DYM: variants seen among roughly 807,000 people sequenced by gnomAD.
DYM encodes dymeclin, also known as dyggve-Melchior-Clausen syndrome protein.
DYM carries 78 observed loss-of-function variants against 93.1 expected under a neutral mutation model. That is an observed-to-expected ratio of 0.84 (90% CI 0.70 to 1.01). The LOEUF is 1.01. Among genes scored for constraint, DYM ranks in the 50% least tolerant of loss-of-function variants. The pLI is 0.00. For synonymous variants in DYM, 321 were observed against 319.7 expected (o/e 1.00, Z -0.04); for missense variants, 789 against 845.0 (o/e 0.93, Z 0.82).
intron 15 of DYM, among the ~76,000 whole-genome samples, chr18:49,161,894 A>C (rs1183735741): frequency 1.3e-5 from 2 of 152,238 alleles, no homozygotes; most frequent in African/African-American, 4.8e-5. Flanking sequence ...ACAGGAAAGA[A>C]GCAAGGCAAC....
intron 15 of DYM, among the ~76,000 whole-genome samples, chr18:49,156,614 C>T (rs146241044): frequency 6.6e-6 from 1 of 151,624 alleles, no homozygotes; most frequent in Non-Finnish European, 1.5e-5. Context: ...TGCCTATAGT[C>T]CCAGCTACTT....
chr18:49,331,876 A>G lies in DYM; in HGVS notation c.751T>C (p.Ser251Pro), dbSNP rs140910475. The G allele has an allele frequency of 4.4e-5, 71 of 1,614,016 alleles. No individual in the cohort carries two copies. Among genetic ancestry groups the G allele is most frequent in the Non-Finnish European group, 5.9e-5 (70 of 1,180,010 alleles). The change falls in exon 8 of 18, where the codon TCA becomes CCA. Residue 251 changes from serine (S) to proline (P), a missense_variant. This residue lies in a region of DYM where 450 missense variants were observed against 436.2 expected (regional missense o/e 1.03). Coordinates refer to ENST00000675505, the MANE Select transcript of DYM (RefSeq NM_001353214.3). ...TGATAAAACTTACTTGCTACTCCTG[A>G]TGCAAGTCCATAAAGCAGTCCTCCC... ...DGGGLLYGLA[S>P]GVATGLWTVF...
chr18:49,341,491 C>CAAAAAAAAAA (rs10578063), intron 6 of DYM, among the ~76,000 whole-genome samples: 1 of 64,920 alleles, frequency 1.5e-5, no homozygotes, highest in African/African-American at 7.4e-5. Flanking sequence ...GACTCCATCG[C>CAAAAAAAAAA]AAAAAAAAAA....
intron 14 of DYM, among the ~76,000 whole-genome samples, chr18:49,199,043 T>C (rs1440940355): frequency 3.3e-5 from 5 of 152,312 alleles, no homozygotes; most frequent in African/African-American, 9.6e-5. Context: ...GAATACTATG[T>C]GGCCATAAAA....
chr18:49,080,912 C>G (rs1309070468), intron 17 of DYM, among the ~76,000 whole-genome samples: 3 of 142,550 alleles, frequency 2.1e-5, no homozygotes, highest in Middle Eastern at 4.1e-3. Flanking sequence ...GATGGGCGGC[C>G]GAGCAGAGAC....
At position 49,097,389 on chromosome 18, in the gene DYM, T is replaced by C. The variant is rs752710018; in HGVS notation, c.2025+13A>G. 1 of 1,613,080 alleles carries C rather than the reference T, an allele frequency of 6.2e-7. No individual in the cohort carries two copies. The highest frequency in any genetic ancestry group is 8.5e-7 in the Non-Finnish European group (1 of 1,179,202). On this transcript the variant is annotated intron_variant, in intron 17 of 17. Transcript: ENST00000675505. ...ACGGCAGTGTCAAGTGGACATTTCTTTAGCCTTCTTACCTTCAGTCTGTCT... is the reference window on the plus strand; with the variant it reads ...ACGGCAGTGTCAAGTGGACATTTCTCTAGCCTTCTTACCTTCAGTCTGTCT...
chr18:49,341,254 G>T (rs2064096808), intron 6 of DYM, among the ~76,000 whole-genome samples: 1 of 152,166 alleles, frequency 6.6e-6, no homozygotes, highest in South Asian at 2.1e-4. Flanking sequence ...ACTTTGGGAG[G>T]CCGAGGCGGG....
At chr18:49,209,286 G>T (rs190104378) in intron 14 of DYM, among the ~76,000 whole-genome samples, 4 of 152,228 alleles carry the variant, frequency 2.6e-5, no homozygotes, top group Admixed American at 2.0e-4. Context: ...AATGGAATGC[G>T]GTATAGAATA....
At chr18:49,258,078 TTGC>T (rs973147222) in intron 12 of DYM, among the ~76,000 whole-genome samples, 5 of 152,220 alleles carry the variant, frequency 3.3e-5, no homozygotes, top group African/African-American at 1.2e-4. Context: ...ACTTTGTTAT[TTGC>T]TGCTATTAAA....
chr18:49,405,115 T>G (rs1458659677), intron 2 of DYM, among the ~76,000 whole-genome samples: 2 of 152,172 alleles, frequency 1.3e-5, no homozygotes. Context: ...CTTGTTGAAC[T>G]GTTTGAATTC....
intron 6 of DYM, among the ~76,000 whole-genome samples, chr18:49,352,784 A>G (rs1231076450): frequency 6.6e-6 from 1 of 152,218 alleles, no homozygotes; most frequent in Non-Finnish European, 1.5e-5. Context: ...ACTATGGATT[A>G]TTTAGCAAAG....
At position 49,282,133 on chromosome 18, in the gene DYM, A is replaced by G. The variant is rs2094998138; in HGVS notation, c.989T>C (p.Ile330Thr). Residue 330 changes from isoleucine to threonine, a missense_variant, in exon 10 of 18, where the codon ATC (isoleucine) becomes ACC (threonine). By Grantham distance (89) the Ile-to-Thr change is moderately conservative (BLOSUM62 -1). Coordinates refer to ENST00000675505, the MANE Select transcript of DYM (RefSeq NM_001353214.3). Reference sequence around the variant, plus strand: ...AGCTGTGTACAAACTATTAAAGTTGATCTGGAAGGCATGTGGAATTGATGA... The same window carrying G: ...AGCTGTGTACAAACTATTAAAGTTGGTCTGGAAGGCATGTGGAATTGATGA... Reference protein sequence around the residue: ...FPSSIPHAFQINFNSLYTALC... With the variant: ...FPSSIPHAFQTNFNSLYTALC... 6.2e-6 allele frequency: 10 copies of G among 1,613,916 alleles called. No homozygotes were observed. Among genetic ancestry groups the G allele is most frequent in the African/African-American group, 2.7e-5 (2 of 74,912 alleles).
intron 12 of DYM, 36 bp downstream of exon 12, chr18:49,258,344 A>T (rs1397322959): frequency 1.4e-6 from 2 of 1,397,064 alleles, no homozygotes; most frequent in Non-Finnish European, 2.0e-6. Context: ...ATTGTACTGT[A>T]TGCAAAAAAG....
intron 13 of DYM, among the ~76,000 whole-genome samples, chr18:49,245,885 T>C (rs1477287983): frequency 1.3e-5 from 2 of 152,206 alleles, no homozygotes; most frequent in Admixed American, 1.3e-4. Flanking sequence ...CTTCTCTTTG[T>C]GCTCTTTCTC....
At chr18:49,433,814 G>C (rs956457496) in intron 1 of DYM, among the ~76,000 whole-genome samples, 23 of 152,172 alleles carry the variant, frequency 1.5e-4, no homozygotes, top group African/African-American at 5.1e-4. Flanking sequence ...ATTGCAGTGA[G>C]CCGAGATTGT....
At chr18:49,352,136 C>T (rs898664438) in intron 6 of DYM, among the ~76,000 whole-genome samples, 1 of 152,152 alleles carries the variant, frequency 6.6e-6, no homozygotes, top group East Asian at 1.9e-4. Context: ...ATATGTGATA[C>T]GATACAATTT....
chr18:49,318,617 TC>T (rs35844315), intron 8 of DYM, among the ~76,000 whole-genome samples: 1 of 150,200 alleles, frequency 6.7e-6, no homozygotes, highest in African/African-American at 2.5e-5. Flanking sequence ...CAAGACTCTG[TC>T]CCCCCACAAA....
chr18:49,310,011 G>A (rs1019902689), intron 8 of DYM, among the ~76,000 whole-genome samples: 3 of 152,066 alleles, frequency 2.0e-5, no homozygotes, highest in South Asian at 2.1e-4. Context: ...GCATGGACGC[G>A]TGCAGCACCA....
In DYM at chr18:49,264,196, C is replaced by A. The variant is rs117808914; in HGVS notation, c.1252-5703G>T. Among the ~76,000 whole-genome samples the A allele has an allele frequency of 6.0e-3, 913 of 151,532 alleles. 6 individuals carry two copies. Among genetic ancestry groups the A allele is most frequent in the Non-Finnish European group, 0.011 (739 of 67,878 alleles). On this transcript the variant is annotated intron_variant, in intron 11 of 17. Coordinates refer to ENST00000675505, the MANE Select transcript of DYM (RefSeq NM_001353214.3). ...ATATTTCATTTACGTAATCTGCTCT[C>A]CCATTAATGGAGCTGTATTCAATTT...
Sources: gnomAD v4.1 joint callset for allele counts (sites outside exome capture counted in the v4.1 genomes callset) on GRCh38, gnomAD v4.1.1 for gene constraint, gnomAD v4.1.1 regional missense constraint, MANE v1.5 for transcripts, NCBI Gene and HGNC (gene_info 2026-07-23, HGNC 2026-07-21) for gene names.